RAB31: variants seen among roughly 807,000 people sequenced by gnomAD.
RAB31 encodes the protein ras-related protein Rab-31.
A neutral mutation model predicts 25.6 loss-of-function variants in RAB31; 21 were observed. The observed-to-expected ratio is 0.82, with a 90% CI of 0.58 to 1.18. RAB31 has a LOEUF of 1.18. Among genes scored for constraint, RAB31 ranks in the 50% most tolerant of loss-of-function variants. RAB31 has a pLI of 0.00. For missense variants in RAB31, 196 were observed against 250.1 expected, an observed-to-expected ratio of 0.78 and a Z score of 1.46; for synonymous variants, 87 against 84.0, an observed-to-expected ratio of 1.04 and a Z score of -0.20.
At chr18:9,814,120 G>A (rs754401290) in intron 4 of RAB31, 29 bp downstream of exon 4, 5 of 1,474,138 alleles carry the variant, frequency 3.4e-6, no homozygotes, top group Admixed American at 1.9e-5. Context: ...GAATTTAGAT[G>A]TCATTTATGG....
chr18:9,736,994 G>A (rs2068154295), intron 1 of RAB31, among the ~76,000 whole-genome samples: 1 of 152,138 alleles, frequency 6.6e-6, no homozygotes, highest in Non-Finnish European at 1.5e-5. Context: ...AATTTATTAT[G>A]TATTTGCACT....
intron 1 of RAB31, among the ~76,000 whole-genome samples, chr18:9,731,786 G>A (rs1466615772): frequency 6.6e-6 from 1 of 151,946 alleles, no homozygotes; most frequent in Non-Finnish European, 1.5e-5. Flanking sequence ...AGTACAGACA[G>A]GGTTTTGCCA....
At chr18:9,724,541 G>A (rs4798833) in intron 1 of RAB31, among the ~76,000 whole-genome samples, 106,950 of 152,024 alleles carry the variant, frequency 0.7, 37,924 homozygotes, top group African/African-American at 0.78. Flanking sequence ...AAAAATATCC[G>A]TGGGTGAAAG....
intron 1 of RAB31, among the ~76,000 whole-genome samples, chr18:9,722,111 G>T (rs889158963): frequency 6.6e-6 from 1 of 152,054 alleles, no homozygotes; most frequent in African/African-American, 2.4e-5. Context: ...AAGGGGGTTA[G>T]GTCAGGGAGG....
intron 2 of RAB31, among the ~76,000 whole-genome samples, chr18:9,776,004 G>A (rs959102657): frequency 6.6e-6 from 1 of 152,000 alleles, no homozygotes; most frequent in South Asian, 2.1e-4. Context: ...TGGTCAGGCT[G>A]GTCTTGAACT....
intron 1 of RAB31, among the ~76,000 whole-genome samples, chr18:9,764,907 G>A (rs536353041): frequency 6.6e-6 from 1 of 152,100 alleles, no homozygotes; most frequent in African/African-American, 2.4e-5. Context: ...ATAAAATGAA[G>A]TCTAGTGACT....
At chr18:9,719,768 GA>G (rs2068065145) in intron 1 of RAB31, among the ~76,000 whole-genome samples, 1 of 152,064 alleles carries the variant, frequency 6.6e-6, no homozygotes, top group Non-Finnish European at 1.5e-5. Context: ...TTCACACGAT[GA>G]GTCATCAGCC....
Position 9,859,264 on chromosome 18 carries a change from G to C in RAB31, c.527G>C (p.Gly176Ala). The C allele has an allele frequency of 1.2e-6, 2 of 1,613,912 alleles. No homozygotes were observed. Among genetic ancestry groups the C allele is most frequent in the Non-Finnish European group, 1.7e-6 (2 of 1,179,840 alleles). ...QIPPLDPHEN[G>A]NNGTIKVEKP... Reference sequence around the variant, plus strand: ...CCACCCTTGGACCCCCATGAAAATGGAAACAATGGAACAATCAAAGTTGAG... The same window carrying C: ...CCACCCTTGGACCCCCATGAAAATGCAAACAATGGAACAATCAAAGTTGAG... The change falls in exon 7 of 7, where the codon GGA (glycine) becomes GCA (alanine). Residue 176 changes from glycine to alanine, a missense_variant. Physicochemically the swap from Gly to Ala is moderately conservative, Grantham distance 60 (BLOSUM62 0). Coordinates refer to ENST00000578921, the MANE Select transcript of RAB31 (RefSeq NM_006868.4).
chr18:9,847,633 T>G (rs2068768263), intron 6 of RAB31, among the ~76,000 whole-genome samples: 1 of 152,214 alleles, frequency 6.6e-6, no homozygotes, highest in Admixed American at 6.5e-5. Flanking sequence ...AGTGCAGTAG[T>G]GCAATCATAG....
chr18:9,749,358 AGAGGGAGCG>A (rs1019477719), intron 1 of RAB31, among the ~76,000 whole-genome samples: 18 of 45,308 alleles, frequency 4.0e-4, no homozygotes, highest in Non-Finnish European at 7.7e-4. Context: ...CAGAGGGAAC[AGAGGGAGCG>A]GAGGGAACGG....
At chr18:9,824,432 AT>A (rs1341062720) in intron 5 of RAB31, among the ~76,000 whole-genome samples, 1 of 147,394 alleles carries the variant, frequency 6.8e-6, no homozygotes, top group Non-Finnish European at 1.5e-5. Context: ...ATGTGTGTGT[AT>A]GAGTGTGTGT....
intron 6 of RAB31, among the ~76,000 whole-genome samples, chr18:9,856,967 TG>T (rs1185378306): frequency 1.3e-5 from 2 of 152,154 alleles, no homozygotes; most frequent in African/African-American, 2.4e-5. Context: ...AGAGGCATTT[TG>T]TTTACTCCCT....
intron 1 of RAB31, among the ~76,000 whole-genome samples, chr18:9,769,913 A>G (rs2068335488): frequency 6.6e-6 from 1 of 152,202 alleles, no homozygotes; most frequent in South Asian, 2.1e-4. Flanking sequence ...AATTTTATCA[A>G]AGGCCTTTTC....
At chr18:9,838,077 T>C (rs1332171279) in intron 5 of RAB31, among the ~76,000 whole-genome samples, 2 of 152,368 alleles carry the variant, frequency 1.3e-5, no homozygotes, top group East Asian at 1.9e-4. Context: ...ATAACACTTA[T>C]GGTGTGCCCG....
intron 3 of RAB31, among the ~76,000 whole-genome samples, chr18:9,793,799 T>C (rs991921618): frequency 9.2e-5 from 14 of 152,234 alleles, no homozygotes; most frequent in Non-Finnish European, 2.9e-5. Context: ...AATTTTCCCT[T>C]GTCTGATCCA....
At chr18:9,795,706 C>T (rs536131718) in intron 3 of RAB31, among the ~76,000 whole-genome samples, 6 of 152,104 alleles carry the variant, frequency 3.9e-5, no homozygotes, top group Non-Finnish European at 5.9e-5. Flanking sequence ...CTTGCAAGAA[C>T]GACTATAATC....
intron 1 of RAB31, among the ~76,000 whole-genome samples, chr18:9,731,691 G>A (rs1182444439): frequency 6.3e-5 from 9 of 143,798 alleles, no homozygotes; most frequent in Admixed American, 5.9e-4. Flanking sequence ...TCTGCCTTCC[G>A]GGTTCACGAT....
rs139873821 is a variant in RAB31 at position 9,856,891 on chromosome 18, T to G, written c.491-2337T>G. 2.9e-3 allele frequency among the ~76,000 whole-genome samples: 449 copies of G among 152,314 alleles called. 3 individuals carry two copies. Among genetic ancestry groups the G allele is most frequent in the African/African-American group, 0.01 (427 of 41,566 alleles). On this transcript the variant is annotated intron_variant, in intron 6 of 6. Transcript: ENST00000578921. ...GGCAAGATCTGACTTGGCTAGATCT[T>G]TAAAGAGTACTGGTAGTCATTGGAG...
chr18:9,772,545 T>C (rs2068350691), intron 1 of RAB31, among the ~76,000 whole-genome samples: 1 of 152,168 alleles, frequency 6.6e-6, no homozygotes, highest in African/African-American at 2.4e-5. Context: ...TAGCCTGCTG[T>C]TGGCATGGGA....
Sources: gnomAD v4.1 joint callset for allele counts (sites outside exome capture counted in the v4.1 genomes callset) on GRCh38, gnomAD v4.1.1 for gene constraint, MANE v1.5 for transcripts, NCBI Gene and HGNC (gene_info 2026-07-23, HGNC 2026-07-21) for gene names.